Variants in RSPO4 observed in about 807,000 individuals in gnomAD.
The protein encoded by RSPO4 is R-spondin-4.
RSPO4 carries 23 observed loss-of-function variants against 24.8 expected under a neutral mutation model. The ratio of observed to expected loss-of-function variants is 0.93; its 90% CI spans 0.67 to 1.31. RSPO4 has a LOEUF of 1.31. Ranked by LOEUF, RSPO4 falls within the 40% of genes most tolerant of loss-of-function variation. RSPO4 has a pLI of 0.00. For synonymous variants in RSPO4, 141 were observed against 127.4 expected, an observed-to-expected ratio of 1.11 and a Z score of -0.72; for missense variants, 333 against 316.5, an observed-to-expected ratio of 1.05 and a Z score of -0.39.
rs774111255 is a variant in RSPO4 at position 967,212 on chromosome 20, G to C, written c.371C>G (p.Pro124Arg). ...TGTGTTCTGGTGGGCCAAAGTGCCC[G>C]GCGGGCAGGTGGGCAGACACTTCCC... ...YKGKCLPTCPPGTLAHQNTRE... is the reference protein window; with the variant it reads ...YKGKCLPTCPRGTLAHQNTRE... Residue 124 changes from proline to arginine, a missense_variant, in exon 3 of 5, where the codon CCG becomes CGG. Physicochemically the swap from Pro to Arg is moderately radical, Grantham distance 103. Transcript: ENST00000217260. The C allele has an allele frequency of 1.9e-6, 3 of 1,614,026 alleles. No individual in the cohort carries two copies. The highest frequency in any genetic ancestry group is 3.3e-5 in the Admixed American group (2 of 60,016).
intron 4 of RSPO4, among the ~76,000 whole-genome samples, chr20:963,585 A>AT (rs1475257814): frequency 2.0e-5 from 3 of 151,178 alleles, no homozygotes; most frequent in Non-Finnish European, 4.4e-5. Context: ...CACTATACTG[A>AT]TAAAAAAAAA....
intron 4 of RSPO4, among the ~76,000 whole-genome samples, chr20:960,928 C>T (rs771800954): frequency 5.3e-5 from 8 of 152,340 alleles, no homozygotes; most frequent in East Asian, 3.9e-4. Context: ...ATTTAGCAAG[C>T]GCTCACTGTA....
intron 2 of RSPO4, among the ~76,000 whole-genome samples, chr20:967,608 A>G (rs1984255189): frequency 6.6e-6 from 1 of 152,216 alleles, no homozygotes; most frequent in African/African-American, 2.4e-5. Context: ...CCTCAGAAAT[A>G]GTGATAATTT....
At chr20:977,092 A>G (rs919780538) in intron 1 of RSPO4, among the ~76,000 whole-genome samples, 62 of 152,162 alleles carry the variant, frequency 4.1e-4, no homozygotes, top group African/African-American at 1.5e-3. Context: ...CACTTCACTC[A>G]CTCACAATAG....
At chr20:979,132 A>G (rs1209801543) in intron 1 of RSPO4, among the ~76,000 whole-genome samples, 1 of 151,914 alleles carries the variant, frequency 6.6e-6, no homozygotes, top group African/African-American at 2.4e-5. Context: ...CTTCTGAAAT[A>G]TGTCTGGGAA....
chr20:990,768 C>T (rs1310101735), intron 1 of RSPO4, among the ~76,000 whole-genome samples: 1 of 152,200 alleles, frequency 6.6e-6, no homozygotes, highest in East Asian at 1.9e-4. Flanking sequence ...CACTCGCCTC[C>T]AGGGGCAGGG....
intron 1 of RSPO4, among the ~76,000 whole-genome samples, chr20:989,470 G>A (rs1289953941): frequency 6.6e-6 from 1 of 152,200 alleles, no homozygotes; most frequent in Non-Finnish European, 1.5e-5. Context: ...TAAGGTTGTG[G>A]GCAATGCATA....
chr20:962,736 C>T (rs1984043014), intron 4 of RSPO4, among the ~76,000 whole-genome samples: 1 of 152,204 alleles, frequency 6.6e-6, no homozygotes, highest in Non-Finnish European at 1.5e-5. Flanking sequence ...CCACTATGTC[C>T]CAGCTGGGTG....
Position 1,002,010 on chromosome 20 carries a change from C to T in RSPO4, c.79+76G>A, listed in dbSNP as rs1985481983. On this transcript the variant is annotated intron_variant, in intron 1 of 4. Coordinates refer to ENST00000217260, the MANE Select transcript of RSPO4 (RefSeq NM_001029871.4). The surrounding 1 kb of genome is among the most constrained non-coding windows in gnomAD (Gnocchi z 4.6). ...GGCACCAGGCAGATGCCCCCAGAGC[C>T]GCCGCCCCCGGTCCTCCGGCCCCCG... 9.1e-6 allele frequency: 12 copies of T among 1,314,660 alleles called. No individual in the cohort carries two copies. The highest frequency in any genetic ancestry group is 1.3e-5 in the Non-Finnish European group (12 of 942,898). 81.4% of individuals were successfully genotyped at this position (1,314,660 alleles called of 1,614,324 possible).
intron 4 of RSPO4, among the ~76,000 whole-genome samples, chr20:963,001 A>G (rs113776876): frequency 0.051 from 7,714 of 152,264 alleles, 665 homozygotes; most frequent in African/African-American, 0.18. Flanking sequence ...TGCCCAGTCA[A>G]CACTGCCAAT....
chr20:1,001,933 A>C (rs1416090295), intron 1 of RSPO4, among the ~76,000 whole-genome samples, 153 bp downstream of exon 1: 1 of 151,954 alleles, frequency 6.6e-6, no homozygotes, highest in Non-Finnish European at 1.5e-5. Context: ...CAATCTCCCC[A>C]TCTTAAGTGA....
intron 1 of RSPO4, among the ~76,000 whole-genome samples, chr20:969,363 G>A (rs1984337550): frequency 6.6e-6 from 1 of 152,208 alleles, no homozygotes; most frequent in Non-Finnish European, 1.5e-5. Context: ...GAGTTGTGGT[G>A]CTGTGACTTT....
intron 1 of RSPO4, among the ~76,000 whole-genome samples, chr20:989,456 A>C (rs1206019931): frequency 6.6e-6 from 1 of 152,210 alleles, no homozygotes; most frequent in African/African-American, 2.4e-5. Flanking sequence ...AGGTAGGAGG[A>C]TCCTAAGGTT....
chr20:971,785 T>C (rs1354529615), intron 1 of RSPO4, among the ~76,000 whole-genome samples: 1 of 152,238 alleles, frequency 6.6e-6, no homozygotes, highest in Non-Finnish European at 1.5e-5. Context: ...TTTAAATTCT[T>C]GACTGTAGGT....
chr20:983,295 T>C (rs144149009), intron 1 of RSPO4, among the ~76,000 whole-genome samples: 79 of 151,994 alleles, frequency 5.2e-4, no homozygotes, highest in South Asian at 4.1e-3. Context: ...GAATGCAGTT[T>C]CCTATCGGAA....
chr20:970,746 T>G lies in RSPO4; in HGVS notation c.80-2608A>C, dbSNP rs1193879748. ...AAGAATGAGAGGAAACCTTCGCTTT[T>G]TCACCTTAGATAGGAGTGTAAACTT... On this transcript the variant is annotated intron_variant, in intron 1 of 4. Transcript: ENST00000217260. The surrounding 1 kb of genome is among the most constrained non-coding windows in gnomAD (Gnocchi z 4.1). Among the ~76,000 whole-genome samples, 1 of 152,232 alleles carries G rather than the reference T, an allele frequency of 6.6e-6. No individual in the cohort carries two copies. Among genetic ancestry groups the G allele is most frequent in the Non-Finnish European group, 1.5e-5 (1 of 68,046 alleles).
chr20:982,511 C>T (rs1191553671), intron 1 of RSPO4, among the ~76,000 whole-genome samples: 1 of 152,322 alleles, frequency 6.6e-6, no homozygotes, highest in East Asian at 1.9e-4. Flanking sequence ...AAGTTGCTGA[C>T]AGGCACTGTG....
intron 1 of RSPO4, among the ~76,000 whole-genome samples, chr20:972,100 T>C (rs1290031425): frequency 1.3e-5 from 2 of 152,232 alleles, no homozygotes; most frequent in Non-Finnish European, 2.9e-5. Flanking sequence ...GGTCTTGCTC[T>C]GCCCCCCAGG....
chr20:977,965 T>C (rs564177214), intron 1 of RSPO4, among the ~76,000 whole-genome samples: 113 of 152,322 alleles, frequency 7.4e-4, no homozygotes, highest in African/African-American at 2.7e-3. Flanking sequence ...TGGGAGGCAG[T>C]CGCCACTGCT....
Sources: gnomAD v4.1 joint callset for allele counts (sites outside exome capture counted in the v4.1 genomes callset) on GRCh38, gnomAD v4.1.1 for gene constraint, Gnocchi (gnomAD v3.1) non-coding constraint, MANE v1.5 for transcripts, NCBI Gene and HGNC (gene_info 2026-07-23, HGNC 2026-07-21) for gene names.